The following CFAP20DC variants were observed in gnomAD, a reference collection of about 807,000 sequenced individuals.
CFAP20DC encodes protein CFAP20DC.
CFAP20DC carries 84 observed loss-of-function variants against 101.7 expected under a neutral mutation model. The ratio of observed to expected loss-of-function variants is 0.83; its 90% CI spans 0.69 to 0.99. The LOEUF (loss-of-function observed/expected upper bound fraction) is 0.99, where lower values mean the gene tolerates loss of function less well. CFAP20DC is among the 50% of genes least tolerant of loss of function. The pLI, the probability that CFAP20DC is intolerant of heterozygous loss-of-function variation, is 0.00. For missense variants in CFAP20DC, 1,007 were observed against 970.3 expected (o/e 1.04, Z -0.50); for synonymous variants, 359 against 351.2 (o/e 1.02, Z -0.25).
At chr3:58,939,144 G>A (rs1022776498) in intron 4 of CFAP20DC, among the ~76,000 whole-genome samples, 2 of 152,062 alleles carry the variant, frequency 1.3e-5, no homozygotes, top group Admixed American at 1.3e-4. Context: ...TTATTTTTGT[G>A]CATGTCTCAT....
At chr3:58,850,519 C>T (rs775629127) in intron 12 of CFAP20DC, among the ~76,000 whole-genome samples, 4 of 148,378 alleles carry the variant, frequency 2.7e-5, no homozygotes, top group South Asian at 2.2e-4. Context: ...ACCTGGGAGG[C>T]GGAGGTTGCA....
At position 58,998,703 on chromosome 3, in the gene CFAP20DC, CA is replaced by C. The variant is rs2093215236; in HGVS notation, c.278+40853del. ...GTGGAACTGAGCAGACATGACTCAA[CA>C]GAAACTCTCATCACGATACTGGCCC... On this transcript the variant is annotated intron_variant, in intron 4 of 16. Coordinates refer to ENST00000482387, the MANE Select transcript of CFAP20DC (RefSeq NM_001394063.1). Among the ~76,000 whole-genome samples the C allele has an allele frequency of 4.6e-5, 7 of 152,120 alleles. No homozygotes were observed. In the South Asian group the frequency reaches 1.5e-3, roughly 32 times the overall value.
chr3:58,811,347 C>G (rs1381581726), intron 14 of CFAP20DC, among the ~76,000 whole-genome samples: 1 of 151,990 alleles, frequency 6.6e-6, no homozygotes, highest in Admixed American at 6.6e-5. Flanking sequence ...GTACTGGTAC[C>G]AAAACAGAGA....
At chr3:58,782,508 G>C (rs975179588) in intron 15 of CFAP20DC, among the ~76,000 whole-genome samples, 4 of 151,998 alleles carry the variant, frequency 2.6e-5, no homozygotes, top group African/African-American at 9.7e-5. Flanking sequence ...GTTTGCTAAT[G>C]ATATAATCTT....
intron 3 of CFAP20DC, among the ~76,000 whole-genome samples, chr3:59,041,802 C>T (rs1465705373): frequency 1.3e-5 from 2 of 151,962 alleles, no homozygotes; most frequent in African/African-American, 4.8e-5. Context: ...ATTAGAAAAC[C>T]TGTGTGGGCC....
chr3:58,751,760 A>G (rs2068588539), intron 16 of CFAP20DC, among the ~76,000 whole-genome samples: 2 of 152,042 alleles, frequency 1.3e-5, no homozygotes, highest in African/African-American at 4.8e-5. Context: ...CTTGGGTTCA[A>G]ATCCTAACTT....
intron 4 of CFAP20DC, among the ~76,000 whole-genome samples, chr3:59,021,744 G>A (rs919112087): frequency 3.9e-5 from 6 of 152,006 alleles, no homozygotes; most frequent in Non-Finnish European, 5.9e-5. Flanking sequence ...TATACAGAAC[G>A]AAACTGAAGA....
intron 15 of CFAP20DC, among the ~76,000 whole-genome samples, chr3:58,765,490 C>CAAAAAAAAAAAAAAAAAA (rs1337049385): frequency 7.3e-5 from 6 of 81,830 alleles, no homozygotes; most frequent in Non-Finnish European, 1.0e-4. Flanking sequence ...AAAAAAAAAC[C>CAAAAAAAAAAAAAAAAAA]AAAAAAAAAA....
intron 14 of CFAP20DC, among the ~76,000 whole-genome samples, chr3:58,816,497 G>A (rs1055363915): frequency 6.6e-6 from 1 of 152,208 alleles, no homozygotes; most frequent in Admixed American, 6.5e-5. Flanking sequence ...AGGGGTCAGG[G>A]AGTTCCCTTT....
chr3:58,838,885 T>C (rs1282452971), intron 13 of CFAP20DC, among the ~76,000 whole-genome samples: 1 of 152,200 alleles, frequency 6.6e-6, no homozygotes, highest in Non-Finnish European at 1.5e-5. Flanking sequence ...CATACTATAT[T>C]CAAGGATATG....
chr3:58,736,987 G>A (rs997747216), intron 3 of CFAP20DC, among the ~76,000 whole-genome samples: 9 of 152,136 alleles, frequency 5.9e-5, no homozygotes, highest in African/African-American at 1.9e-4. Flanking sequence ...TCATTAAGAT[G>A]TAAGACTCCA....
chr3:58,855,564 A>T (rs901813078), intron 12 of CFAP20DC, among the ~76,000 whole-genome samples: 1 of 152,124 alleles, frequency 6.6e-6, no homozygotes, highest in African/African-American at 2.4e-5. Context: ...TATTCACAAT[A>T]GCAAAGACTT....
At chr3:58,831,393 A>G (rs1027846179) in intron 14 of CFAP20DC, among the ~76,000 whole-genome samples, 7 of 152,282 alleles carry the variant, frequency 4.6e-5, no homozygotes, top group Non-Finnish European at 8.8e-5. Context: ...ACTAGGGGAT[A>G]CAATGGGACA....
At chr3:58,801,427 GTTTGAAGGAGGACTA>G (rs2073692901) in intron 15 of CFAP20DC, among the ~76,000 whole-genome samples, 1 of 152,184 alleles carries the variant, frequency 6.6e-6, no homozygotes, top group Non-Finnish European at 1.5e-5. Context: ...TCATGTCTTG[GTTTGAAGGAGGACTA>G]TTTGTTAAAA....
intron 15 of CFAP20DC, among the ~76,000 whole-genome samples, chr3:58,776,804 T>C (rs928125713): frequency 4.0e-5 from 6 of 151,860 alleles, no homozygotes; most frequent in Non-Finnish European, 5.9e-5. Context: ...AAACAGGAAC[T>C]ATGTAGAGGC....
At chr3:58,822,807 G>A (rs940036005) in intron 14 of CFAP20DC, among the ~76,000 whole-genome samples, 3 of 151,930 alleles carry the variant, frequency 2.0e-5, no homozygotes, top group Non-Finnish European at 2.9e-5. Flanking sequence ...GTAGCAGGAA[G>A]GTCACTCTCA....
intron 3 of CFAP20DC, among the ~76,000 whole-genome samples, chr3:58,733,681 A>G (rs902582085): frequency 6.6e-6 from 1 of 152,212 alleles, no homozygotes; most frequent in African/African-American, 2.4e-5. Flanking sequence ...TATGGGTCAG[A>G]CCCGAAATAT....
chr3:58,810,759 A>C (rs1575711934), intron 14 of CFAP20DC, among the ~76,000 whole-genome samples: 1 of 151,410 alleles, frequency 6.6e-6, no homozygotes. Context: ...AGAGGAAGTC[A>C]AATTGTCCCT....
intron 6 of CFAP20DC, among the ~76,000 whole-genome samples, chr3:58,898,735 G>T (rs1460041038): frequency 6.6e-6 from 1 of 152,148 alleles, no homozygotes; most frequent in Non-Finnish European, 1.5e-5. Flanking sequence ...CTGGAGAGCT[G>T]TTGTGGTCAT....
Sources: gnomAD v4.1 joint callset for allele counts (sites outside exome capture counted in the v4.1 genomes callset) on GRCh38, gnomAD v4.1.1 for gene constraint, MANE v1.5 for transcripts, NCBI Gene and HGNC (gene_info 2026-07-23, HGNC 2026-07-21) for gene names.